PRIMPOL: variants seen among roughly 807,000 people sequenced by gnomAD.
The protein encoded by PRIMPOL is DNA-directed primase/polymerase protein.
A neutral mutation model predicts 63.6 loss-of-function variants in PRIMPOL; 54 were observed. The ratio of observed to expected loss-of-function variants is 0.85; its 90% confidence interval spans 0.68 to 1.07. PRIMPOL has a LOEUF of 1.07. PRIMPOL is among the 50% of genes least tolerant of loss of function. The pLI is 0.00. For missense variants in PRIMPOL, 610 were observed against 648.3 expected (o/e 0.94, Z 0.64); for synonymous variants, 197 against 220.2 (o/e 0.89, Z 0.93).
chr4:184,668,792 T>G (rs1750777228), intron 6 of PRIMPOL, among the ~76,000 whole-genome samples: 1 of 152,112 alleles, frequency 6.6e-6, no homozygotes, highest in Non-Finnish European at 1.5e-5. Context: ...CTATTCTACT[T>G]AATGTTTCTC....
At chr4:184,656,355 T>C (rs1466308393) in intron 2 of PRIMPOL, among the ~76,000 whole-genome samples, 2 of 152,198 alleles carry the variant, frequency 1.3e-5, no homozygotes, top group Non-Finnish European at 2.9e-5. Flanking sequence ...TTGTGGCTGA[T>C]TTGGCTGTTT....
At chr4:184,658,078 T>C (rs559251598) in intron 3 of PRIMPOL, among the ~76,000 whole-genome samples, 1 of 143,738 alleles carries the variant, frequency 7.0e-6, no homozygotes, top group Non-Finnish European at 1.5e-5. Flanking sequence ...CATTCTTTTT[T>C]TTTTTTGGGG....
chr4:184,670,259 G>C (rs560380804), intron 6 of PRIMPOL, among the ~76,000 whole-genome samples: 12 of 152,176 alleles, frequency 7.9e-5, no homozygotes, highest in Non-Finnish European at 1.2e-4. Flanking sequence ...CACTGCCATT[G>C]CCACCATTTC....
intron 8 of PRIMPOL, 31 bp downstream of exon 8, chr4:184,678,425 A>G (rs746274189): frequency 2.7e-6 from 4 of 1,498,030 alleles, no homozygotes; most frequent in South Asian, 1.2e-5. Flanking sequence ...ACCATTTTGT[A>G]TTCATGAATA....
chr4:184,686,221 C>A (rs996710595), intron 11 of PRIMPOL, among the ~76,000 whole-genome samples: 3 of 152,166 alleles, frequency 2.0e-5, no homozygotes, highest in Admixed American at 6.5e-5. Flanking sequence ...GCTAAGATAA[C>A]CCCTTAGTAT....
chr4:184,672,118 T>G (rs1465552815), intron 6 of PRIMPOL, 55 bp from the exon 7 acceptor site: 4 of 1,443,536 alleles, frequency 2.8e-6, no homozygotes, highest in Middle Eastern at 1.8e-4. Context: ...GGCTAGACCT[T>G]AAGATGCGGT....
At chr4:184,659,853 T>G (rs1329724350) in intron 4 of PRIMPOL, among the ~76,000 whole-genome samples, 2 of 152,186 alleles carry the variant, frequency 1.3e-5, no homozygotes, top group Non-Finnish European at 2.9e-5. Context: ...GGAGTTTTAC[T>G]CTTGTTGCCC....
chr4:184,661,863 C>G lies in PRIMPOL; in HGVS notation c.368C>G (p.Pro123Arg), dbSNP rs748107999. The change falls in exon 5 of 14, where the codon CCA becomes CGA. Residue 123 changes from proline to arginine, a missense_variant. By Grantham distance (103) the Pro-to-Arg change is moderately radical. Coordinates refer to ENST00000314970, the MANE Select transcript of PRIMPOL (RefSeq NM_152683.4). ...FDLEFNKPANPGADGKKMVAL... is the reference protein window; with the variant it reads ...FDLEFNKPANRGADGKKMVAL... Reference sequence around the variant, plus strand: ...TTGGAATTTAACAAACCTGCCAACCCAGGAGCTGATGGGAAAAAGATGGTT... The same window carrying G: ...TTGGAATTTAACAAACCTGCCAACCGAGGAGCTGATGGGAAAAAGATGGTT... The G allele has an allele frequency of 3.1e-6, 5 of 1,613,718 alleles. No homozygotes were observed. The Admixed American group carries it at 8.3e-5, about 27-fold the overall frequency.
intron 9 of PRIMPOL, 27 bp from the exon 10 acceptor site, chr4:184,685,382 A>G (rs1288323900): frequency 1.3e-6 from 2 of 1,501,454 alleles, no homozygotes; most frequent in Admixed American, 3.4e-5. Context: ...AGCTATTGTA[A>G]TTTATAAACC....
At chr4:184,689,735 C>T (rs12639881) in intron 11 of PRIMPOL, among the ~76,000 whole-genome samples, 113,603 of 151,578 alleles carry the variant, frequency 0.75, 44,530 homozygotes, top group East Asian at 0.99. Flanking sequence ...ATTACAGGCG[C>T]GAGCCACCAT....
At position 184,659,336 on chromosome 4, in the gene PRIMPOL, G is replaced by A. The variant is rs199650882; in HGVS notation, c.181-4G>A. The A allele has an allele frequency of 8.1e-6, 13 of 1,607,268 alleles. No individual in the cohort carries two copies. The highest frequency in any genetic ancestry group is 1.1e-5 in the South Asian group (1 of 90,664). On this transcript the variant is annotated splice_polypyrimidine_tract_variant and splice_region_variant and intron_variant, in intron 3 of 13. Coordinates refer to ENST00000314970, the MANE Select transcript of PRIMPOL (RefSeq NM_152683.4). Reference sequence around the variant, plus strand: ...TTTCTGAATTCTTTTTTGATTTTATGCAGGACGTTCATGTATTTGCTTTGG... The same window carrying A: ...TTTCTGAATTCTTTTTTGATTTTATACAGGACGTTCATGTATTTGCTTTGG...
At chr4:184,657,758 C>G (rs543549977) in intron 3 of PRIMPOL, 2 of 154,654 alleles carry the variant, frequency 1.3e-5, no homozygotes, top group African/African-American at 4.8e-5. Flanking sequence ...CTTTGGGAGG[C>G]CGAGACGGGT....
chr4:184,667,392 C>A (rs181419157), intron 6 of PRIMPOL, among the ~76,000 whole-genome samples: 1 of 151,620 alleles, frequency 6.6e-6, no homozygotes, highest in Non-Finnish European at 1.5e-5. Context: ...CTCACTGCAA[C>A]CTCCGCCTCC....
intron 2 of PRIMPOL, among the ~76,000 whole-genome samples, chr4:184,655,536 G>A (rs1054661018): frequency 2.6e-5 from 4 of 151,552 alleles, no homozygotes; most frequent in Non-Finnish European, 5.9e-5. Flanking sequence ...TGGTCAGGCT[G>A]GTCTCGAACT....
At position 184,683,005 on chromosome 4, in the gene PRIMPOL, G is replaced by A. The variant is rs1007326671; in HGVS notation, c.1096+669G>A. Among the ~76,000 whole-genome samples the A allele has an allele frequency of 3.9e-5, 6 of 152,156 alleles. 1 individual carries two copies. The highest frequency in any genetic ancestry group is 6.3e-3 in the Middle Eastern group (2 of 316). On this transcript the variant is annotated intron_variant, in intron 9 of 13. Transcript: ENST00000314970. ...GTTGAAGCTACAGTGAGTCTTGTTGGTGCCATTGCACTCCAGCCTGGACAG... is the reference window on the plus strand; with the variant it reads ...GTTGAAGCTACAGTGAGTCTTGTTGATGCCATTGCACTCCAGCCTGGACAG...
chr4:184,660,919 T>G (rs1748146612), intron 4 of PRIMPOL, among the ~76,000 whole-genome samples: 1 of 152,234 alleles, frequency 6.6e-6, no homozygotes, highest in South Asian at 2.1e-4. Context: ...TCTCCCTATT[T>G]AACCCATGTC....
Position 184,694,806 on chromosome 4 carries a change from C to T in PRIMPOL, c.*27C>T, listed in dbSNP as rs111353554. 14 of 1,571,290 alleles carry T rather than the reference C, an allele frequency of 8.9e-6. No homozygotes were observed. In the African/African-American group the frequency reaches 1.2e-4, roughly 14 times the overall value. ...TAATTCACTATGAACACTTTTGTCA[C>T]CAGGCTATAATTTGCCTGATGTCTG... is the stretch of plus-strand genomic sequence containing the variant. On this transcript the variant is annotated 3_prime_UTR_variant, in exon 14 of 14. Coordinates refer to ENST00000314970, the MANE Select transcript of PRIMPOL (RefSeq NM_152683.4).
chr4:184,658,072 CT>C (rs33982215), intron 3 of PRIMPOL, among the ~76,000 whole-genome samples: 27,760 of 137,828 alleles, frequency 0.2, 3,592 homozygotes, highest in East Asian at 0.7. Flanking sequence ...ATTGCACATT[CT>C]TTTTTTTTTT....
chr4:184,665,357 C>T (rs758184212), intron 5 of PRIMPOL, among the ~76,000 whole-genome samples: 11 of 152,264 alleles, frequency 7.2e-5, no homozygotes, highest in Non-Finnish European at 1.0e-4. Flanking sequence ...CTCCAGCCCC[C>T]GTGCTTGCTG....
Sources: allele counts gnomAD v4.1 joint callset (sites outside exome capture counted in the v4.1 genomes callset), GRCh38; gene constraint gnomAD v4.1.1; transcripts MANE v1.5; gene names NCBI Gene and HGNC (gene_info 2026-07-23, HGNC 2026-07-21).